Variants in ZNF721 observed in about 807,000 individuals in gnomAD.
ZNF721 encodes the protein zinc finger protein 721.
ZNF721 carries 2 observed loss-of-function variants against 2.4 expected under a neutral mutation model. That is an observed-to-expected ratio of 0.82 (90% CI 0.34 to 2.58). The LOEUF is 2.58. ZNF721 is among the 30% of genes most tolerant of loss of function. The pLI is 0.11. For synonymous variants in ZNF721, 398 were observed against 381.8 expected (o/e 1.04, Z -0.50); for missense variants, 1,187 against 1,085.5 (o/e 1.09, Z -1.31).
At chr4:494,415 C>T (rs61793735) in intron 1 of ZNF721, among the ~76,000 whole-genome samples, 33,058 of 151,684 alleles carry the variant, frequency 0.22, 3,985 homozygotes, top group Middle Eastern at 0.32. Flanking sequence ...CTCGATCTCC[C>T]GACCTCGTGA....
At position 441,819 on chromosome 4, in the gene ZNF721, T is replaced by G. The variant is rs782475086; in HGVS notation, c.2648A>C (p.His883Pro). Residue 883 changes from histidine to proline, a missense_variant, in exon 3 of 3, where the codon CAT (histidine) becomes CCT (proline). Transcript: ENST00000511833. The stretch of plus-strand genomic sequence containing the variant: ...TTTCTCTCCAGTATGAATTTTCTTA[T>G]GCGCATAAAGATTTGCAGACTGTCT... The part of the protein sequence containing the change: ...TFRQSANLYA[H>P]KKIHTGEKPY... 1 of 1,613,916 alleles carries G rather than the reference T, an allele frequency of 6.2e-7. No homozygotes were observed. The highest frequency in any genetic ancestry group is 1.3e-5 in the African/African-American group (1 of 74,950).
At chr4:465,961 TC>T (rs1467829302) in intron 2 of ZNF721, among the ~76,000 whole-genome samples, 1 of 151,738 alleles carries the variant, frequency 6.6e-6, no homozygotes, top group Non-Finnish European at 1.5e-5. Context: ...ATAAGTTATT[TC>T]TCTGCCTTTT....
intron 1 of ZNF721, among the ~76,000 whole-genome samples, chr4:479,617 A>G (rs1715723142): frequency 6.6e-6 from 1 of 152,208 alleles, no homozygotes; most frequent in Non-Finnish European, 1.5e-5. Context: ...TGATGGCCTG[A>G]GGGCTCCTTT....
intron 1 of ZNF721, among the ~76,000 whole-genome samples, chr4:484,942 C>T (rs560250459): frequency 6.7e-4 from 102 of 152,304 alleles, no homozygotes; most frequent in African/African-American, 2.3e-3. Flanking sequence ...GCTTGTGGGG[C>T]ATCACGGAAC....
rs376721590 is a variant in ZNF721 at position 442,065 on chromosome 4, C to A, written c.2402G>T (p.Arg801Met). 9.3e-6 allele frequency: 15 copies of A among 1,613,714 alleles called. No individual in the cohort carries two copies. Among genetic ancestry groups the A allele is most frequent in the African/African-American group, 2.7e-5 (2 of 74,912 alleles). The part of the protein sequence containing the change: ...TSSSSFAKHK[R>M]IHTGEKPFKC... ...AAAGGGTTTCTCACCTGTATGAATC[C>A]TCTTATGTTTAGCAAAGCTTGAGGA... Residue 801 changes from arginine to methionine, a missense_variant, in exon 3 of 3, where the codon AGG becomes ATG. Coordinates refer to ENST00000511833, the MANE Select transcript of ZNF721 (RefSeq NM_133474.4).
intron 2 of ZNF721, among the ~76,000 whole-genome samples, chr4:465,541 C>T (rs1324595456): frequency 6.6e-6 from 1 of 151,766 alleles, no homozygotes; most frequent in Non-Finnish European, 1.5e-5. Context: ...ACGCCATTCT[C>T]CTGCCTCAGC....
chr4:458,194 G>A (rs1206009521), intron 2 of ZNF721, among the ~76,000 whole-genome samples: 1 of 152,190 alleles, frequency 6.6e-6, no homozygotes, highest in Non-Finnish European at 1.5e-5. Flanking sequence ...TTTTTCCTCA[G>A]TGCCAGTCAT....
Position 450,957 on chromosome 4 carries a change from ATATATATATATATATATATAT to A in ZNF721, c.35-6546_35-6526del, listed in dbSNP as rs1714639602. 5.9e-5 allele frequency among the ~76,000 whole-genome samples: 2 copies of A among 33,648 alleles called. 1 individual carries two copies. Among genetic ancestry groups the A allele is most frequent in the East Asian group, 1.9e-3 (2 of 1,060 alleles). 22.1% of individuals were successfully genotyped at this position (33,648 alleles called of 152,430 possible). On this transcript the variant is annotated intron_variant, in intron 2 of 2. Transcript: ENST00000511833. ...GTCTCCAAAAAAAAAAAAAAAAAAA[ATATATATATATATATATATAT>A]ATATATATATATATATATCCCAAAA... is the stretch of plus-strand genomic sequence containing the variant.
intron 1 of ZNF721, among the ~76,000 whole-genome samples, chr4:495,311 C>CAAA (rs201625826): frequency 2.0e-5 from 1 of 49,758 alleles, no homozygotes; most frequent in Non-Finnish European, 5.6e-5. Flanking sequence ...GTCAACTGAA[C>CAAA]AAAAAAAAAA....
At chr4:456,054 A>T (rs988910914) in intron 2 of ZNF721, among the ~76,000 whole-genome samples, 9 of 148,470 alleles carry the variant, frequency 6.1e-5, no homozygotes, top group Non-Finnish European at 7.5e-5. Context: ...AAAAATTTTT[A>T]TTTATTTATT....
chr4:488,247 A>G (rs1715943690), intron 1 of ZNF721, among the ~76,000 whole-genome samples: 1 of 152,190 alleles, frequency 6.6e-6, no homozygotes, highest in African/African-American at 2.4e-5. Flanking sequence ...TGTTCAAAAT[A>G]TCAAGGACCT....
chr4:472,491 G>C, intron 2 of ZNF721, 84 bp downstream of exon 2: 13 of 1,443,130 alleles, frequency 9.0e-6, no homozygotes, highest in East Asian at 2.3e-5. Context: ...TTTTTATATA[G>C]ATATATCTCA....
intron 1 of ZNF721, among the ~76,000 whole-genome samples, chr4:483,746 T>C (rs1415742697): frequency 1.3e-5 from 2 of 152,214 alleles, no homozygotes; most frequent in Non-Finnish European, 2.9e-5. Flanking sequence ...ATGCATGTTA[T>C]ACATCAATAA....
intron 2 of ZNF721, among the ~76,000 whole-genome samples, chr4:451,370 A>G (rs1187747405): frequency 6.6e-6 from 1 of 152,182 alleles, no homozygotes; most frequent in African/African-American, 2.4e-5. Context: ...CAAGTTGACC[A>G]TTTTGTGTTC....
chr4:450,510 A>T (rs750054198), intron 2 of ZNF721, among the ~76,000 whole-genome samples: 3 of 152,220 alleles, frequency 2.0e-5, no homozygotes, highest in Non-Finnish European at 4.4e-5. Context: ...CTCGGCAATC[A>T]GTTTTTGAAT....
chr4:441,993 G>A lies in ZNF721; in HGVS notation c.2474C>T (p.Thr825Ile). 3 of 1,612,908 alleles carry A rather than the reference G, an allele frequency of 1.9e-6. No homozygotes were observed. The highest frequency in any genetic ancestry group is 2.5e-6 in the Non-Finnish European group (3 of 1,179,606). Reference protein sequence around the residue: ...GKAFTSSTTLTKHRRIHTGEK... With the variant: ...GKAFTSSTTLIKHRRIHTGEK... ...TCCAGTATGAATTCTCCTATGTTTA[G>A]TAAGGGTTGTGGAACTAGTAAACGC... The change falls in exon 3 of 3, where the codon ACT becomes ATT. Residue 825 changes from threonine to isoleucine, a missense_variant. Physicochemically the swap from Thr to Ile is moderately conservative, Grantham distance 89. Coordinates refer to ENST00000511833, the MANE Select transcript of ZNF721 (RefSeq NM_133474.4).
chr4:450,181 T>C (rs1714605633), intron 2 of ZNF721, among the ~76,000 whole-genome samples: 1 of 149,782 alleles, frequency 6.7e-6, no homozygotes, highest in Non-Finnish European at 1.5e-5. Flanking sequence ...ATTTTCATTG[T>C]AGCTAAACAA....
At chr4:456,339 G>C (rs1215426870) in intron 2 of ZNF721, among the ~76,000 whole-genome samples, 1 of 151,988 alleles carries the variant, frequency 6.6e-6, no homozygotes, top group African/African-American at 2.4e-5. Context: ...CGAAGTGCTG[G>C]GATTACAGGC....
At chr4:444,976 A>C (rs1174590413) in intron 2 of ZNF721, among the ~76,000 whole-genome samples, 8 of 144,976 alleles carry the variant, frequency 5.5e-5, no homozygotes, top group African/African-American at 2.1e-4. Context: ...AAGTGATGAG[A>C]GACTTTTTTT....
Sources: gnomAD v4.1 joint callset for allele counts (sites outside exome capture counted in the v4.1 genomes callset) on GRCh38, gnomAD v4.1.1 for gene constraint, MANE v1.5 for transcripts, NCBI Gene and HGNC (gene_info 2026-07-23, HGNC 2026-07-21) for gene names.